KIF20B: variants seen among roughly 807,000 people sequenced by gnomAD.
The protein encoded by KIF20B is kinesin-like protein KIF20B.
Under a neutral mutation model 232.5 loss-of-function variants are expected in KIF20B, and 188 were observed. The ratio of observed to expected loss-of-function variants is 0.81; its 90% CI spans 0.72 to 0.91. KIF20B has a LOEUF of 0.91. Among genes scored for constraint, KIF20B ranks in the 40% least tolerant of loss-of-function variants. The probability of loss-of-function intolerance (pLI) is 0.00; values close to 1 mark genes in which losing one functional copy is unlikely to be tolerated. For synonymous variants in KIF20B, 712 were observed against 683.0 expected, an observed-to-expected ratio of 1.04 and a Z score of -0.66; for missense variants, 2,154 against 2,055.9, an observed-to-expected ratio of 1.05 and a Z score of -0.92.
At chr10:89,701,937 A>G (rs1157375876) in intron 1 of KIF20B, among the ~76,000 whole-genome samples, 1 of 152,230 alleles carries the variant, frequency 6.6e-6, no homozygotes, top group African/African-American at 2.4e-5. Flanking sequence ...AAGACAATTC[A>G]TTTAATCTCT....
At position 89,738,021 on chromosome 10, in the gene KIF20B, T is replaced by C; in HGVS notation, c.3180T>C (p.Ile1060=). Residue 1060 remains isoleucine (I), a synonymous_variant, in exon 20 of 33, where the codon ATT becomes ATC. Transcript: ENST00000371728. ...CTTTCCACTCTAGTATTGAAGCTATTTGGGAAGAATGTAAAGAGATTGTGA... is the reference window on the plus strand; with the variant it reads ...CTTTCCACTCTAGTATTGAAGCTATCTGGGAAGAATGTAAAGAGATTGTGA... ...ENSFHSSIEA[I]WEECKEIVKA... 2 of 1,613,416 alleles carry C rather than the reference T, an allele frequency of 1.2e-6. No individual in the cohort carries two copies.
intron 17 of KIF20B, 34 bp downstream of exon 17, chr10:89,727,930 G>A: frequency 6.6e-7 from 1 of 1,509,454 alleles, no homozygotes; most frequent in East Asian, 2.4e-5. Flanking sequence ...TCTTGATAAG[G>A]TATTTAATTA....
Position 89,719,407 on chromosome 10 carries a change from A to T in KIF20B, c.1435-12A>T. 1 of 1,528,948 alleles carries T rather than the reference A, an allele frequency of 6.5e-7. No individual in the cohort carries two copies. Among genetic ancestry groups the T allele is most frequent in the South Asian group, 1.3e-5 (1 of 77,762 alleles). 94.7% of individuals were successfully genotyped at this position (1,528,948 alleles called of 1,614,324 possible). ...TTTTCTGTTTTAAAAGTCACATTGAATATTTTAACAGGTTTGTGTCCCAGA... is the reference window on the plus strand; with the variant it reads ...TTTTCTGTTTTAAAAGTCACATTGATTATTTTAACAGGTTTGTGTCCCAGA... On this transcript the variant is annotated splice_polypyrimidine_tract_variant and intron_variant, in intron 12 of 32. Transcript: ENST00000371728.
chr10:89,741,865 T>G (rs560103670), intron 21 of KIF20B, among the ~76,000 whole-genome samples: 26 of 152,308 alleles, frequency 1.7e-4, no homozygotes, highest in African/African-American at 6.0e-4. Flanking sequence ...TATTAATCAC[T>G]TAGTCATCTC....
intron 4 of KIF20B, 47 bp downstream of exon 4, chr10:89,709,508 T>C: frequency 8.0e-7 from 1 of 1,245,748 alleles, no homozygotes; most frequent in Non-Finnish European, 1.2e-6. Flanking sequence ...TAAAGAGACT[T>C]GGCTTAGGCT....
chr10:89,739,389 G>A (rs377324728), intron 21 of KIF20B, among the ~76,000 whole-genome samples: 1 of 152,090 alleles, frequency 6.6e-6, no homozygotes, highest in East Asian at 1.9e-4. Flanking sequence ...TTTACAGATA[G>A]TACTTAGGAG....
At chr10:89,754,022 C>G (rs1371983924) in intron 25 of KIF20B, among the ~76,000 whole-genome samples, 1 of 151,682 alleles carries the variant, frequency 6.6e-6, no homozygotes, top group African/African-American at 2.4e-5. Flanking sequence ...ATCTGTGGTA[C>G]CAGTTTGAAA....
intron 28 of KIF20B, among the ~76,000 whole-genome samples, chr10:89,761,407 T>G (rs1222121854): frequency 6.6e-6 from 1 of 151,624 alleles, no homozygotes; most frequent in Non-Finnish European, 1.5e-5. Context: ...GGAAATGGAT[T>G]AAAGAAGGTG....
chr10:89,734,973 G>A (rs1841616681), intron 19 of KIF20B, among the ~76,000 whole-genome samples: 1 of 152,102 alleles, frequency 6.6e-6, no homozygotes, highest in East Asian at 1.9e-4. Context: ...ATACATCCCA[G>A]ACTTACCAAA....
intron 19 of KIF20B, among the ~76,000 whole-genome samples, chr10:89,734,246 C>G (rs542820126): frequency 2.8e-4 from 42 of 152,160 alleles, no homozygotes; most frequent in African/African-American, 1.0e-3. Flanking sequence ...CCCATCTCTA[C>G]TAAAATTACA....
At chr10:89,724,394 G>T (rs1049527827) in intron 14 of KIF20B, among the ~76,000 whole-genome samples, 1 of 152,048 alleles carries the variant, frequency 6.6e-6, no homozygotes, top group Non-Finnish European at 1.5e-5. Context: ...GGGCGTACTG[G>T]CATGTTCCTG....
intron 23 of KIF20B, among the ~76,000 whole-genome samples, chr10:89,747,166 C>G (rs1344830169): frequency 6.6e-6 from 1 of 152,176 alleles, no homozygotes; most frequent in Non-Finnish European, 1.5e-5. Context: ...CAGAGAAATG[C>G]AAAGCAAAAC....
At chr10:89,708,168 T>C (rs978682008) in intron 2 of KIF20B, among the ~76,000 whole-genome samples, 1 of 152,142 alleles carries the variant, frequency 6.6e-6, no homozygotes, top group Admixed American at 6.5e-5. Flanking sequence ...TTAGTTAAGG[T>C]ATTTTCTCTT....
chr10:89,729,393 T>G (rs1843269512), intron 18 of KIF20B, 146 bp downstream of exon 18: 1 of 870,452 alleles, frequency 1.1e-6, no homozygotes, highest in Non-Finnish European at 1.6e-6. Context: ...CAATTTACTG[T>G]TTTCCAAATC....
chr10:89,714,819 A>G, intron 7 of KIF20B, 136 bp from the exon 8 acceptor site: 1 of 600,336 alleles, frequency 1.7e-6, no homozygotes, highest in Non-Finnish European at 2.9e-6. Flanking sequence ...CTTTGTTCCA[A>G]AAAGTTTTTA....
intron 13 of KIF20B, among the ~76,000 whole-genome samples, chr10:89,721,448 G>A (rs1843054620): frequency 6.6e-6 from 1 of 152,146 alleles, no homozygotes; most frequent in South Asian, 2.1e-4. Context: ...GAGGTAGGAG[G>A]ATTGCTTGAG....
chr10:89,725,046 T>C lies in KIF20B; in HGVS notation c.1889T>C (p.Ile630Thr), dbSNP rs1843150487. The C allele has an allele frequency of 6.2e-7, 1 of 1,613,754 alleles. No homozygotes were observed. Among genetic ancestry groups the C allele is most frequent in the East Asian group, 2.2e-5 (1 of 44,862 alleles). The change falls in exon 15 of 33, where the codon ATA becomes ACA. Residue 630 changes from isoleucine to threonine, a missense_variant. Coordinates refer to ENST00000371728, the MANE Select transcript of KIF20B (RefSeq NM_001284259.2). Reference sequence around the variant, plus strand: ...GAGACTCTGCTTCAAGAACGAGAGATATTAGAAGAAAATGCTGAACGTCGT... The same window carrying C: ...GAGACTCTGCTTCAAGAACGAGAGACATTAGAAGAAAATGCTGAACGTCGT... ...FKETLLQERE[I>T]LEENAERRLA...
At chr10:89,773,166 G>A (rs953979231) in intron 32 of KIF20B, among the ~76,000 whole-genome samples, 1 of 151,720 alleles carries the variant, frequency 6.6e-6, no homozygotes, top group Admixed American at 6.6e-5. Context: ...GGGCCCAAGT[G>A]TTCCTGGTAA....
chr10:89,765,696 A>G (rs546692469), intron 29 of KIF20B, among the ~76,000 whole-genome samples: 2 of 152,296 alleles, frequency 1.3e-5, no homozygotes, highest in East Asian at 1.9e-4. Flanking sequence ...ATATAGATCA[A>G]TGGAACAGAA....
Sources: gnomAD v4.1 joint callset for allele counts (sites outside exome capture counted in the v4.1 genomes callset) on GRCh38, gnomAD v4.1.1 for gene constraint, MANE v1.5 for transcripts, NCBI Gene and HGNC (gene_info 2026-07-23, HGNC 2026-07-21) for gene names.